The following NRXN3 variants were observed in gnomAD, a reference collection of about 807,000 sequenced individuals.
NRXN3 encodes the protein neurexin III.
In NRXN3, 32 loss-of-function variants were observed where a neutral mutation model predicts 137.6. The observed-to-expected ratio is 0.23, with a 90% confidence interval of 0.18 to 0.31. The LOEUF (loss-of-function observed/expected upper bound fraction) is 0.31. Ranked by LOEUF, NRXN3 falls within the 10% of genes least tolerant of loss-of-function variation. NRXN3 has a pLI of 1.00. For missense variants in NRXN3, 1,574 were observed against 2,062.5 expected, an observed-to-expected ratio of 0.76 and a Z score of 4.59; for synonymous variants, 798 against 784.5, an observed-to-expected ratio of 1.02 and a Z score of -0.29.
chr14:79,530,359 T>A (rs1436783667), intron 16 of NRXN3, among the ~76,000 whole-genome samples: 2 of 152,090 alleles, frequency 1.3e-5, no homozygotes, highest in South Asian at 2.1e-4. Context: ...AATCAAAATT[T>A]AAAAAATTTT....
At chr14:78,568,961 GTTTTTT>G (rs34485878) in intron 4 of NRXN3, among the ~76,000 whole-genome samples, 1,293 of 103,742 alleles carry the variant, frequency 0.012, 24 homozygotes, top group African/African-American at 0.051. Flanking sequence ...GACTTTGCAG[GTTTTTT>G]TTTTTTTTTT....
At chr14:78,727,173 C>G (rs1411991867) in intron 8 of NRXN3, among the ~76,000 whole-genome samples, 2 of 152,126 alleles carry the variant, frequency 1.3e-5, no homozygotes, top group Non-Finnish European at 2.9e-5. Flanking sequence ...TTTTAAGTTC[C>G]TTGCTGAGTT....
chr14:79,811,326 T>C (rs2099231882), intron 20 of NRXN3, among the ~76,000 whole-genome samples: 1 of 152,122 alleles, frequency 6.6e-6, no homozygotes, highest in South Asian at 2.1e-4. Context: ...ATTACTTAAT[T>C]TAATTCATTA....
chr14:78,633,251 C>CAAAAA (rs779442429), intron 4 of NRXN3, among the ~76,000 whole-genome samples: 1 of 68,076 alleles, frequency 1.5e-5, no homozygotes, highest in Admixed American at 1.7e-4. Context: ...GAGACTCTGT[C>CAAAAA]AAAAAAAAAA....
chr14:79,230,370 T>A (rs539519131), intron 15 of NRXN3, among the ~76,000 whole-genome samples: 2 of 152,246 alleles, frequency 1.3e-5, no homozygotes, highest in African/African-American at 2.4e-5. Flanking sequence ...AAGGGTTGCC[T>A]AGCCTGAAGA....
Position 79,467,804 on chromosome 14 carries a change from G to A in NRXN3, c.3444+402G>A, listed in dbSNP as rs575166921. Among the ~76,000 whole-genome samples the A allele has an allele frequency of 1.6e-3, 249 of 152,242 alleles. 3 individuals carry two copies. The Middle Eastern group carries it at 0.017, about 10-fold the overall frequency. ...TTTGGCAAACCTTCTGTAAAGAGAC[G>A]TATAGTAAATATTTTGGACTTTGCA... On this transcript the variant is annotated intron_variant, in intron 16 of 20. Transcript: ENST00000335750.
chr14:79,445,093 G>C (rs2096037796), intron 15 of NRXN3, among the ~76,000 whole-genome samples: 1 of 152,124 alleles, frequency 6.6e-6, no homozygotes, highest in Non-Finnish European at 1.5e-5. Context: ...TGTAATCCCA[G>C]CAATTTTAGA....
At chr14:78,265,692 G>A (rs978920348) in intron 2 of NRXN3, among the ~76,000 whole-genome samples, 3 of 152,130 alleles carry the variant, frequency 2.0e-5, no homozygotes, top group African/African-American at 7.2e-5. Context: ...GAGGCACAGT[G>A]GGAAAAGCAA....
intron 15 of NRXN3, among the ~76,000 whole-genome samples, chr14:79,398,188 G>A (rs1233448528): frequency 6.6e-6 from 1 of 152,114 alleles, no homozygotes; most frequent in Non-Finnish European, 1.5e-5. Flanking sequence ...GTAGTTTTTT[G>A]AGAAGGGGCC....
At chr14:78,971,934 G>A (rs2099442687) in intron 14 of NRXN3, among the ~76,000 whole-genome samples, 1 of 152,020 alleles carries the variant, frequency 6.6e-6, no homozygotes, top group Non-Finnish European at 1.5e-5. Context: ...TGCTAATTTA[G>A]TACTCTTCAG....
rs796167781 is a variant in NRXN3, at chr14:79,155,319, T to TA, written c.3262+167182dup. 5.1e-4 allele frequency among the ~76,000 whole-genome samples: 78 copies of TA among 152,024 alleles called. 1 individual carries two copies. The highest frequency in any genetic ancestry group is 1.8e-3 in the African/African-American group (73 of 41,534). On this transcript the variant is annotated intron_variant, in intron 15 of 20. Transcript: ENST00000335750. ...GTAACATATTAAACAAAATGATAGA[T>TA]AAAATGTAGATTATATAAGAACCTA...
intron 4 of NRXN3, among the ~76,000 whole-genome samples, chr14:78,404,987 G>C (rs2092386003): frequency 6.6e-6 from 1 of 152,078 alleles, no homozygotes; most frequent in Admixed American, 6.5e-5. Context: ...GCAGCTTATG[G>C]GACAAGTTTA....
chr14:78,661,435 G>A (rs1300567120), intron 6 of NRXN3, among the ~76,000 whole-genome samples: 1 of 152,216 alleles, frequency 6.6e-6, no homozygotes. Flanking sequence ...AAATACCAAT[G>A]GGCCCTGATT....
chr14:78,705,478 C>T (rs895869908), intron 6 of NRXN3, among the ~76,000 whole-genome samples: 14 of 152,186 alleles, frequency 9.2e-5, no homozygotes, highest in Admixed American at 5.9e-4. Context: ...CCTTGCCCTC[C>T]TGTCCTTTTC....
Position 79,266,817 on chromosome 14 carries a change from C to G in NRXN3, c.3263-200404C>G, listed in dbSNP as rs575504302. ...AGACTCCAACAAATTATATGAACAA[C>G]TGCAAGTTATCTGAATATGGAATGA... On this transcript the variant is annotated intron_variant, in intron 15 of 20. Coordinates refer to ENST00000335750, the MANE Select transcript of NRXN3 (RefSeq NM_001330195.2). Among the ~76,000 whole-genome samples, 227 of 152,292 alleles carry G rather than the reference C, an allele frequency of 1.5e-3. 2 individuals carry two copies. Among genetic ancestry groups the G allele is most frequent in the African/African-American group, 5.1e-3 (210 of 41,560 alleles).
chr14:79,447,364 A>G (rs968601706), intron 15 of NRXN3, among the ~76,000 whole-genome samples: 1 of 152,242 alleles, frequency 6.6e-6, no homozygotes, highest in Admixed American at 6.5e-5. Context: ...AAAAAATAAA[A>G]TAAATGGCTT....
At chr14:78,703,819 C>T (rs934744745) in intron 6 of NRXN3, 3 of 152,210 alleles carry the variant, frequency 2.0e-5, no homozygotes, top group African/African-American at 7.2e-5. Context: ...GTCTTATCCG[C>T]TGACCTGGTG....
At chr14:78,995,611 G>A (rs1027158415) in intron 15 of NRXN3, among the ~76,000 whole-genome samples, 3 of 152,084 alleles carry the variant, frequency 2.0e-5, no homozygotes, top group African/African-American at 7.2e-5. Flanking sequence ...AGGAGATATG[G>A]CACATGATGG....
At position 79,040,879 on chromosome 14, in the gene NRXN3, G is replaced by T. The variant is rs979743584; in HGVS notation, c.3262+52738G>T. ...ATGTGTTGAGGTGGAATTTTTCATT[G>T]CAGGCATGTCTGGGCAAGTCACCTG... On this transcript the variant is annotated intron_variant, in intron 15 of 20. Transcript: ENST00000335750. Among the ~76,000 whole-genome samples, 4 of 152,044 alleles carry T rather than the reference G, an allele frequency of 2.6e-5. 1 individual carries two copies. The highest frequency in any genetic ancestry group is 4.2e-4 in the South Asian group (2 of 4,816).
Sources: gnomAD v4.1 joint callset for allele counts (sites outside exome capture counted in the v4.1 genomes callset) on GRCh38, gnomAD v4.1.1 for gene constraint, MANE v1.5 for transcripts, NCBI Gene and HGNC (gene_info 2026-07-23, HGNC 2026-07-21) for gene names.